The following ZC3H7A variants were observed in gnomAD, a reference collection of about 807,000 sequenced individuals.
The protein encoded by ZC3H7A is zinc finger CCCH-type containing 7A.
A neutral mutation model predicts 125.5 loss-of-function variants in ZC3H7A; 44 were observed. The ratio of observed to expected loss-of-function variants is 0.35; its 90% confidence interval spans 0.28 to 0.45. The LOEUF (loss-of-function observed/expected upper bound fraction) is 0.45. Among genes scored for constraint, ZC3H7A ranks in the 20% least tolerant of loss-of-function variants. ZC3H7A has a pLI of 1.00. For synonymous variants in ZC3H7A, 399 were observed against 391.2 expected (o/e 1.02, Z -0.23); for missense variants, 977 against 1,170.7 (o/e 0.83, Z 2.41).
chr16:11,765,176 AT>A lies in ZC3H7A; in HGVS notation c.1720-24del. ...TTTCTGGAATAGAGAGAGAAAGATT[AT>A]CAAAAAAAATACAAAATATAAATTT... On this transcript the variant is annotated intron_variant, in intron 14 of 22. Coordinates refer to ENST00000355758, the MANE Select transcript of ZC3H7A (RefSeq NM_014153.4). This position sits in a 1 kb window ranked among gnomAD's most constrained non-coding sequence, Gnocchi z 4.8. The A allele has an allele frequency of 7.2e-7, 1 of 1,397,648 alleles. No individual in the cohort carries two copies. The highest frequency in any genetic ancestry group is 2.5e-5 in the Admixed American group (1 of 39,790). 86.6% of individuals were successfully genotyped at this position (1,397,648 alleles called of 1,614,324 possible). A position where few individuals can be genotyped will look rare whatever the true frequency, so the allele number is the denominator to read the frequency against.
intron 10 of ZC3H7A, among the ~76,000 whole-genome samples, chr16:11,770,358 T>A (rs2052958444): frequency 6.6e-6 from 1 of 152,164 alleles, no homozygotes; most frequent in Non-Finnish European, 1.5e-5. Context: ...GCTCCACAGA[T>A]GAAACCTAAA....
rs58682217 is a variant in ZC3H7A at position 11,765,326 on chromosome 16, G to C, written c.1719+163C>G. On this transcript the variant is annotated intron_variant, in intron 14 of 22. Coordinates refer to ENST00000355758, the MANE Select transcript of ZC3H7A (RefSeq NM_014153.4). This position sits in a 1 kb window ranked among gnomAD's most constrained non-coding sequence, Gnocchi z 4.8. ...ACTGAATGAATGTTTTATCACATGG[G>C]AGGACCAGAGGAATATTTTATTCAT... is the stretch of plus-strand genomic sequence containing the variant. Among the ~76,000 whole-genome samples, 6,869 of 152,006 alleles carry C rather than the reference G, an allele frequency of 0.045. 542 individuals are homozygous for C. The highest frequency in any genetic ancestry group is 0.16 in the African/African-American group (6,528 of 41,408).
At chr16:11,789,554 G>T (rs916715609) in intron 1 of ZC3H7A, among the ~76,000 whole-genome samples, 1 of 152,040 alleles carries the variant, frequency 6.6e-6, no homozygotes, top group Admixed American at 6.6e-5. Flanking sequence ...GCGCCCGGCC[G>T]TGCATATGTT....
intron 21 of ZC3H7A, 155 bp from the exon 22 acceptor site, chr16:11,752,987 C>T: frequency 1.2e-6 from 1 of 844,416 alleles, no homozygotes; most frequent in Non-Finnish European, 1.8e-6. Flanking sequence ...GGAAGCAAGC[C>T]AGCACTCAGG....
intron 1 of ZC3H7A, among the ~76,000 whole-genome samples, chr16:11,793,588 C>G (rs1399752830): frequency 6.6e-6 from 1 of 152,104 alleles, no homozygotes. Flanking sequence ...ATATTCAATT[C>G]TATCCCCAGA....
rs201879296 is a variant in ZC3H7A at position 11,771,405 on chromosome 16, AAAC to A, written c.904-421_904-419del. On this transcript the variant is annotated intron_variant, in intron 9 of 22. Coordinates refer to ENST00000355758, the MANE Select transcript of ZC3H7A (RefSeq NM_014153.4). ...TCCATCTCCAAAAAAATAAAAAAAAAAACAAAGTTTAAATCAGAATCAAGATTC... is the reference window on the plus strand; with the variant it reads ...TCCATCTCCAAAAAAATAAAAAAAAAAAAGTTTAAATCAGAATCAAGATTC... Among the ~76,000 whole-genome samples, 663 of 152,280 alleles carry A rather than the reference AAAC, an allele frequency of 4.4e-3. 4 individuals are homozygous for A. The highest frequency in any genetic ancestry group is 0.014 in the African/African-American group (597 of 41,552).
intron 4 of ZC3H7A, among the ~76,000 whole-genome samples, chr16:11,777,638 T>C (rs1392479590): frequency 6.6e-6 from 1 of 151,726 alleles, no homozygotes; most frequent in Admixed American, 6.6e-5. Flanking sequence ...GGAAAATCAC[T>C]TGAACCCAGG....
intron 10 of ZC3H7A, among the ~76,000 whole-genome samples, chr16:11,770,084 G>T (rs1307086438): frequency 6.6e-6 from 1 of 151,954 alleles, no homozygotes; most frequent in Non-Finnish European, 1.5e-5. Context: ...ACCACACCCA[G>T]CCTACTTTCT....
At chr16:11,792,821 G>C (rs2053375258) in intron 1 of ZC3H7A, among the ~76,000 whole-genome samples, 1 of 152,214 alleles carries the variant, frequency 6.6e-6, no homozygotes, top group Admixed American at 6.5e-5. Context: ...ACGCCTGGAG[G>C]GGAGTGAGCA....
intron 1 of ZC3H7A, among the ~76,000 whole-genome samples, chr16:11,795,033 C>T (rs1294949348): frequency 3.3e-5 from 5 of 152,190 alleles, no homozygotes; most frequent in Non-Finnish European, 7.3e-5. Context: ...CAAACACACA[C>T]GCACAAATAT....
Position 11,770,928 on chromosome 16 carries a change from A to G in ZC3H7A, c.963T>C (p.Phe321=). ...GTAAGGTTCCTAACAGCGATGCCGA[A>G]AAGGGCATGCTAGGAGAGACACTGG... ...QTASVSPSMP[F]SASLLGTLPI... is the part of the protein sequence containing the mutation. Residue 321 remains phenylalanine (F), a synonymous_variant, in exon 10 of 23, where the codon TTT becomes TTC. Transcript: ENST00000355758. 3 of 1,613,958 alleles carry G rather than the reference A, an allele frequency of 1.9e-6. No individual in the cohort carries two copies. The highest frequency in any genetic ancestry group is 2.5e-6 in the Non-Finnish European group (3 of 1,179,902).
chr16:11,785,329 A>AC (rs1299335785), intron 1 of ZC3H7A, among the ~76,000 whole-genome samples: 4 of 151,372 alleles, frequency 2.6e-5, no homozygotes, highest in African/African-American at 9.7e-5. Flanking sequence ...ACAGAGTGAG[A>AC]CCTTGCCTCG....
At chr16:11,795,194 G>C (rs563001364) in intron 1 of ZC3H7A, among the ~76,000 whole-genome samples, 2 of 152,170 alleles carry the variant, frequency 1.3e-5, no homozygotes, top group African/African-American at 4.8e-5. Context: ...ATTAGGACAA[G>C]ACCCATTGTG....
chr16:11,756,302 C>A lies in ZC3H7A; in HGVS notation c.2497G>T (p.Ala833Ser). 3 of 1,614,084 alleles carry A rather than the reference C, an allele frequency of 1.9e-6. No individual in the cohort carries two copies. The highest frequency in any genetic ancestry group is 2.5e-6 in the Non-Finnish European group (3 of 1,180,004). Residue 833 changes from alanine (A) to serine (S), a missense_variant, in exon 21 of 23, where the codon GCC becomes TCC. Physicochemically the swap from Ala to Ser is moderately conservative, Grantham distance 99. This residue lies in a region of ZC3H7A where 436 missense variants were observed against 603.2 expected (regional missense o/e 0.72). Coordinates refer to ENST00000355758, the MANE Select transcript of ZC3H7A (RefSeq NM_014153.4). ...SQKNEKSEDI[A>S]SQSNKENGKQ... ...CCATTTTCCTTGTTTGACTGACTGG[C>A]TATGTCTTCACTTTTTTCATTTTTT...
intron 13 of ZC3H7A, among the ~76,000 whole-genome samples, chr16:11,766,396 T>C (rs2052858391): frequency 6.6e-6 from 1 of 151,794 alleles, no homozygotes; most frequent in Non-Finnish European, 1.5e-5. Flanking sequence ...GAAACCCATC[T>C]CTACTAAAAA....
intron 1 of ZC3H7A, among the ~76,000 whole-genome samples, chr16:11,792,400 C>T (rs1418015113): frequency 6.6e-6 from 1 of 152,334 alleles, no homozygotes; most frequent in East Asian, 1.9e-4. Flanking sequence ...ACTATTTACT[C>T]AGTGCCTGGT....
chr16:11,761,313 T>G, intron 19 of ZC3H7A, 93 bp downstream of exon 19: 1 of 1,228,092 alleles, frequency 8.1e-7, no homozygotes, highest in Non-Finnish European at 1.2e-6. Context: ...GAATATTATT[T>G]AAAGGGCTTG....
At chr16:11,784,283 C>T (rs2053219705) in intron 1 of ZC3H7A, among the ~76,000 whole-genome samples, 1 of 152,074 alleles carries the variant, frequency 6.6e-6, no homozygotes, top group Admixed American at 6.5e-5. Context: ...CTTCTAGCTA[C>T]TTGGACATGT....
chr16:11,770,973 G>C lies in ZC3H7A; in HGVS notation c.918C>G (p.Val306=). 3 of 1,602,798 alleles carry C rather than the reference G, an allele frequency of 1.9e-6. No homozygotes were observed. The South Asian group carries it at 3.4e-5, about 18-fold the overall frequency. Residue 306 remains valine (V), a synonymous_variant, in exon 10 of 23, where the codon GTC becomes GTG. Coordinates refer to ENST00000355758, the MANE Select transcript of ZC3H7A (RefSeq NM_014153.4). ...TNETVMPSAL[V]RGPLQTASVS... ...CACTGGCTGTCTGAAGGGGTCCTCT[G>C]ACTAAAGCTGACGGCTGCGGAAGAA...
Sources: gnomAD v4.1 joint callset for allele counts (sites outside exome capture counted in the v4.1 genomes callset) on GRCh38, gnomAD v4.1.1 for gene constraint, gnomAD v4.1.1 regional missense constraint, Gnocchi (gnomAD v3.1) non-coding constraint, MANE v1.5 for transcripts, NCBI Gene and HGNC (gene_info 2026-07-23, HGNC 2026-07-21) for gene names.